Variants in SERGEF observed in about 807,000 individuals in gnomAD.
SERGEF encodes the protein secretion regulating guanine nucleotide exchange factor, also known as secretion-regulating guanine nucleotide exchange factor.
A neutral mutation model predicts 50.0 loss-of-function variants in SERGEF; 51 were observed. That is an observed-to-expected ratio of 1.02 (90% CI 0.81 to 1.29). The LOEUF is 1.29. SERGEF is among the 50% of genes most tolerant of loss of function. SERGEF has a pLI of 0.00. For synonymous variants in SERGEF, 205 were observed against 212.4 expected (o/e 0.97, Z 0.30); for missense variants, 521 against 557.0 (o/e 0.94, Z 0.65).
At chr11:17,989,523 C>T (rs895558737) in intron 7 of SERGEF, among the ~76,000 whole-genome samples, 1 of 152,218 alleles carries the variant, frequency 6.6e-6, no homozygotes, top group Non-Finnish European at 1.5e-5. Flanking sequence ...TGGCAGGTGA[C>T]TGTGGCAAGC....
intron 9 of SERGEF, among the ~76,000 whole-genome samples, chr11:17,890,116 A>C (rs940176102): frequency 1.3e-5 from 2 of 151,906 alleles, no homozygotes; most frequent in Non-Finnish European, 2.9e-5. Context: ...ACATGAGAAA[A>C]GTGGCTAAGA....
intron 6 of SERGEF, among the ~76,000 whole-genome samples, chr11:17,994,694 T>C (rs1371399675): frequency 6.6e-6 from 1 of 152,126 alleles, no homozygotes. Context: ...TGAAGTGGAC[T>C]ACCTGTCCCA....
At chr11:17,872,909 T>C (rs1851169148) in intron 10 of SERGEF, among the ~76,000 whole-genome samples, 1 of 151,050 alleles carries the variant, frequency 6.6e-6, no homozygotes, top group Non-Finnish European at 1.5e-5. Flanking sequence ...CTACCATTTA[T>C]GTAAAAGGAA....
intron 10 of SERGEF, among the ~76,000 whole-genome samples, chr11:17,872,038 T>C (rs1412605382): frequency 3.3e-5 from 5 of 152,222 alleles, no homozygotes; most frequent in African/African-American, 1.2e-4. Flanking sequence ...GTTAAATAAG[T>C]TGTGGTATAT....
At chr11:17,935,245 A>G (rs559780006) in intron 9 of SERGEF, among the ~76,000 whole-genome samples, 113 of 152,328 alleles carry the variant, frequency 7.4e-4, no homozygotes, top group African/African-American at 2.4e-3. Context: ...TTGGGTGGCC[A>G]AGGCAGGAGG....
chr11:17,964,238 A>G (rs765722921), intron 8 of SERGEF, among the ~76,000 whole-genome samples: 4 of 151,992 alleles, frequency 2.6e-5, no homozygotes, highest in Non-Finnish European at 5.9e-5. Context: ...ATGAAAGGGG[A>G]GAGAGTAAGG....
intron 9 of SERGEF, among the ~76,000 whole-genome samples, chr11:17,886,082 G>C (rs1851423178): frequency 6.6e-6 from 1 of 151,956 alleles, no homozygotes; most frequent in Non-Finnish European, 1.5e-5. Flanking sequence ...CCACTTCCTA[G>C]CCATGTGACT....
chr11:17,902,562 A>G (rs1264254852), intron 9 of SERGEF, among the ~76,000 whole-genome samples: 1 of 152,168 alleles, frequency 6.6e-6, no homozygotes, highest in Non-Finnish European at 1.5e-5. Context: ...ACAGAAGAAC[A>G]CCCAGAAGAA....
chr11:17,910,193 A>ACACTCT (rs869123110), intron 9 of SERGEF, among the ~76,000 whole-genome samples: 58 of 145,748 alleles, frequency 4.0e-4, no homozygotes, highest in Middle Eastern at 3.4e-3. Context: ...ACACACACAC[A>ACACTCT]CTCTCTCTCT....
At chr11:17,809,026 A>G (rs1226404491) in intron 10 of SERGEF, among the ~76,000 whole-genome samples, 1 of 152,234 alleles carries the variant, frequency 6.6e-6, no homozygotes, top group African/African-American at 2.4e-5. Context: ...TCATTCATAA[A>G]ATGTCTATTT....
chr11:17,792,991 C>T (rs1849510173), intron 10 of SERGEF, among the ~76,000 whole-genome samples: 1 of 152,234 alleles, frequency 6.6e-6, no homozygotes, highest in Non-Finnish European at 1.5e-5. Flanking sequence ...CTGCTCCACA[C>T]ATATTATAGA....
intron 10 of SERGEF, among the ~76,000 whole-genome samples, chr11:17,850,751 A>G (rs1284684424): frequency 6.6e-6 from 1 of 152,210 alleles, no homozygotes; most frequent in East Asian, 1.9e-4. Context: ...TCTATCACAT[A>G]TATGTATGCA....
chr11:18,008,212 T>C (rs1434292983), intron 1 of SERGEF, 136 bp from the exon 2 acceptor site: 26 of 877,972 alleles, frequency 3.0e-5, no homozygotes, highest in Non-Finnish European at 4.3e-5. Context: ...CTCATTCTTT[T>C]TTAAAAAAAA....
At chr11:17,953,289 C>T (rs1852804878) in intron 9 of SERGEF, among the ~76,000 whole-genome samples, 1 of 152,208 alleles carries the variant, frequency 6.6e-6, no homozygotes, top group African/African-American at 2.4e-5. Flanking sequence ...TCTGCTTCCC[C>T]TACCCTAATG....
At chr11:17,869,105 A>G (rs1410436370) in intron 10 of SERGEF, among the ~76,000 whole-genome samples, 3 of 152,204 alleles carry the variant, frequency 2.0e-5, no homozygotes, top group African/African-American at 7.2e-5. Flanking sequence ...CCCGATTTTT[A>G]GGCAATGCAT....
intron 9 of SERGEF, 31 bp downstream of exon 9, chr11:17,959,439 C>G (rs1246984508): frequency 6.3e-7 from 1 of 1,595,128 alleles, no homozygotes; most frequent in Non-Finnish European, 8.6e-7. Context: ...GAAAAAGGGA[C>G]AGATTACATC....
intron 9 of SERGEF, among the ~76,000 whole-genome samples, chr11:17,911,517 G>A (rs2133930464): frequency 6.6e-6 from 1 of 151,316 alleles, no homozygotes; most frequent in South Asian, 2.1e-4. Flanking sequence ...TTTTGAGACA[G>A]GATCTCTCTG....
At chr11:17,817,032 G>C (rs1849986518) in intron 10 of SERGEF, among the ~76,000 whole-genome samples, 1 of 152,142 alleles carries the variant, frequency 6.6e-6, no homozygotes, top group African/African-American at 2.4e-5. Context: ...CTAAAGACCA[G>C]AGATCTCTCC....
intron 8 of SERGEF, among the ~76,000 whole-genome samples, chr11:17,982,096 T>G (rs1853506785): frequency 6.6e-6 from 1 of 152,192 alleles, no homozygotes; most frequent in African/African-American, 2.4e-5. Context: ...TGAGCCACCA[T>G]GCCTGGCCAA....
Sources: gnomAD v4.1 joint callset for allele counts (sites outside exome capture counted in the v4.1 genomes callset) on GRCh38, gnomAD v4.1.1 for gene constraint, MANE v1.5 for transcripts, NCBI Gene and HGNC (gene_info 2026-07-23, HGNC 2026-07-21) for gene names.